PHF14: variants seen among roughly 807,000 people sequenced by gnomAD.
PHF14 encodes PHD finger protein 14.
PHF14 carries 55 observed loss-of-function variants against 117.9 expected under a neutral mutation model. The observed-to-expected ratio is 0.47, with a 90% CI of 0.38 to 0.58. The LOEUF is 0.58. Among genes scored for constraint, PHF14 ranks in the 20% least tolerant of loss-of-function variants. PHF14 has a pLI of 0.00. For synonymous variants in PHF14, 409 were observed against 368.6 expected (o/e 1.11, Z -1.26); for missense variants, 978 against 1,122.2 (o/e 0.87, Z 1.84).
intron 5 of PHF14, chr7:11,015,283 T>C (rs934532256): frequency 6.6e-6 from 1 of 152,234 alleles, no homozygotes; most frequent in Non-Finnish European, 1.5e-5. Context: ...TGAGAAATGT[T>C]GCCATACAAG....
At chr7:11,029,126 G>A (rs908983436) in intron 7 of PHF14, among the ~76,000 whole-genome samples, 27 of 152,006 alleles carry the variant, frequency 1.8e-4, no homozygotes, top group African/African-American at 5.8e-4. Flanking sequence ...AAAAAAAATA[G>A]CATATTTTAT....
At chr7:11,013,692 A>G in intron 4 of PHF14, 55 bp from the exon 5 acceptor site, 1 of 959,560 alleles carries the variant, frequency 1.0e-6, no homozygotes. Context: ...TTGTGATTTT[A>G]TGTGACTTTA....
intron 2 of PHF14, among the ~76,000 whole-genome samples, chr7:10,977,916 G>C (rs923283634): frequency 6.6e-6 from 1 of 152,072 alleles, no homozygotes; most frequent in African/African-American, 2.4e-5. Flanking sequence ...ATTTACATTT[G>C]GTTATCTGCT....
intron 16 of PHF14, among the ~76,000 whole-genome samples, chr7:11,063,895 A>T (rs985682554): frequency 2.2e-4 from 33 of 151,816 alleles, no homozygotes; most frequent in African/African-American, 7.0e-4. Flanking sequence ...CAATATGCCA[A>T]TGTCTGGAAT....
chr7:11,066,107 CATT>C (rs761929332), intron 16 of PHF14, among the ~76,000 whole-genome samples: 1 of 152,144 alleles, frequency 6.6e-6, no homozygotes, highest in Non-Finnish European at 1.5e-5. Context: ...GGTCTGTAAA[CATT>C]GTTGTTCGCA....
At chr7:11,046,455 A>T (rs938310918) in intron 13 of PHF14, among the ~76,000 whole-genome samples, 3 of 152,176 alleles carry the variant, frequency 2.0e-5, no homozygotes, top group African/African-American at 7.2e-5. Context: ...TTATTTTATG[A>T]TGAAAAGAAA....
chr7:11,167,665 C>T (rs1390136702), intron 17 of PHF14, among the ~76,000 whole-genome samples: 1 of 152,212 alleles, frequency 6.6e-6, no homozygotes, highest in African/African-American at 2.4e-5. Flanking sequence ...CACTTTCTAA[C>T]AGTGTCTCTC....
In PHF14 at chr7:11,041,113, T is replaced by G. The variant is rs866167625; in HGVS notation, c.2180+338T>G. On this transcript the variant is annotated intron_variant, in intron 12 of 17. Transcript: ENST00000634607. ...TTACTTGAATGAATTGTAGAGTTTG[T>G]TTTTTAGATAGTGATGGGTATCATA... Among the ~76,000 whole-genome samples, 5 of 152,124 alleles carry G rather than the reference T, an allele frequency of 3.3e-5. No homozygotes were observed. In the Middle Eastern group the frequency reaches 0.01, roughly 310 times the overall value.
Position 11,162,072 on chromosome 7 carries a change from C to CTTTT in PHF14, c.2773-7313_2773-7310dup, listed in dbSNP as rs564998009. Among the ~76,000 whole-genome samples, 190 of 70,268 alleles carry CTTTT rather than the reference C, an allele frequency of 2.7e-3. 11 individuals carry two copies. The highest frequency in any genetic ancestry group is 5.2e-3 in the African/African-American group (126 of 24,242). 46.1% of individuals were successfully genotyped at this position (70,268 alleles called of 152,430 possible). On this transcript the variant is annotated intron_variant, in intron 17 of 17. Coordinates refer to ENST00000634607, the MANE Select transcript of PHF14 (RefSeq NM_001007157.2). ...TCAGCAGGATATCTTAAAAATATGT[C>CTTTT]TTTTTTTTTTTTTTTTTTTTTTTTT...
intron 4 of PHF14, among the ~76,000 whole-genome samples, chr7:10,995,451 T>TC (rs1425814757): frequency 6.6e-6 from 1 of 152,236 alleles, no homozygotes; most frequent in Non-Finnish European, 1.5e-5. Context: ...ATAAAGGTTC[T>TC]CCAAGTCCCC....
intron 7 of PHF14, among the ~76,000 whole-genome samples, chr7:11,029,159 G>T (rs1244961976): frequency 2.6e-5 from 4 of 152,004 alleles, no homozygotes; most frequent in Non-Finnish European, 5.9e-5. Context: ...AACTGTATTT[G>T]GGTAACCTTG....
intron 17 of PHF14, among the ~76,000 whole-genome samples, chr7:11,128,763 CCT>C (rs955285967): frequency 6.6e-6 from 1 of 151,296 alleles, no homozygotes. Flanking sequence ...CTCCTCTCTC[CCT>C]CTCTTTTTCT....
At chr7:11,056,475 T>G (rs1183433498) in intron 14 of PHF14, among the ~76,000 whole-genome samples, 1 of 152,084 alleles carries the variant, frequency 6.6e-6, no homozygotes, top group Non-Finnish European at 1.5e-5. Context: ...TTCATAACCC[T>G]GTTAACATAA....
rs1161529453 is a variant in PHF14, at chr7:11,130,490, G to A, written c.2772+19023G>A. 6.6e-6 allele frequency among the ~76,000 whole-genome samples: 1 copy of A among 151,738 alleles called. No individual in the cohort carries two copies. The highest frequency in any genetic ancestry group is 2.1e-4 in the South Asian group (1 of 4,820). On this transcript the variant is annotated intron_variant, in intron 17 of 17. Transcript: ENST00000634607. The surrounding 1 kb of genome is among the most constrained non-coding windows in gnomAD (Gnocchi z 4.2). ...TTTGCTTTTTTAAAAATAGCCTTTT[G>A]GTAGTATTTTTGATTTTTTTGTTTC...
At chr7:10,975,562 GA>G (rs1414043204) in intron 2 of PHF14, among the ~76,000 whole-genome samples, 1 of 152,092 alleles carries the variant, frequency 6.6e-6, no homozygotes, top group African/African-American at 2.4e-5. Context: ...CTGGAAAACA[GA>G]AAAGTATGAT....
intron 17 of PHF14, among the ~76,000 whole-genome samples, chr7:11,121,831 CT>C (rs1227086418): frequency 6.6e-6 from 1 of 151,894 alleles, no homozygotes; most frequent in Non-Finnish European, 1.5e-5. Flanking sequence ...CAATTTAAAA[CT>C]TCCAAACTGT....
intron 16 of PHF14, chr7:11,110,465 G>A (rs1787408656): frequency 1.3e-6 from 1 of 753,956 alleles, no homozygotes; most frequent in Non-Finnish European, 1.6e-6. Context: ...TATTCCAACT[G>A]ATGCAAAATT....
At chr7:11,005,681 T>G (rs2128314032) in intron 4 of PHF14, among the ~76,000 whole-genome samples, 1 of 152,294 alleles carries the variant, frequency 6.6e-6, no homozygotes, top group Non-Finnish European at 1.5e-5. Context: ...CATAATGTAC[T>G]TATTTTTTTG....
intron 12 of PHF14, among the ~76,000 whole-genome samples, chr7:11,041,473 T>C (rs1784504056): frequency 6.6e-6 from 1 of 151,560 alleles, no homozygotes; most frequent in Non-Finnish European, 1.5e-5. Flanking sequence ...TATCTATGTA[T>C]ATGCATACAT....
Sources: gnomAD v4.1 joint callset for allele counts (sites outside exome capture counted in the v4.1 genomes callset) on GRCh38, gnomAD v4.1.1 for gene constraint, Gnocchi (gnomAD v3.1) non-coding constraint, MANE v1.5 for transcripts, NCBI Gene and HGNC (gene_info 2026-07-23, HGNC 2026-07-21) for gene names.